PTGER3: variants seen among roughly 807,000 people sequenced by gnomAD.
PTGER3 encodes the protein prostaglandin E2 receptor EP3 subtype.
Under a neutral mutation model 34.7 loss-of-function variants are expected in PTGER3, and 22 were observed. The observed-to-expected ratio is 0.63, with a 90% CI of 0.45 to 0.91. The LOEUF (loss-of-function observed/expected upper bound fraction) is 0.91. PTGER3 is among the 40% of genes least tolerant of loss of function. The probability of loss-of-function intolerance (pLI) is 0.00; values close to 1 mark genes in which losing one functional copy is unlikely to be tolerated. For synonymous variants in PTGER3, 241 were observed against 230.1 expected (o/e 1.05, Z -0.43); for missense variants, 468 against 519.4 (o/e 0.90, Z 0.96).
intron 4 of PTGER3, among the ~76,000 whole-genome samples, chr1:70,915,923 A>T (rs940946275): frequency 6.6e-6 from 1 of 152,046 alleles, no homozygotes; most frequent in Non-Finnish European, 1.5e-5. Context: ...TATGCAGCAA[A>T]ACAAACTATC....
chr1:70,887,118 G>A (rs1016350849), intron 4 of PTGER3, among the ~76,000 whole-genome samples: 4 of 152,158 alleles, frequency 2.6e-5, no homozygotes, highest in Admixed American at 2.0e-4. Context: ...GTGGGGTTAC[G>A]AGCCCCTCAA....
chr1:71,007,309 A>G, intron 2 of PTGER3: 1 of 985,754 alleles, frequency 1.0e-6, no homozygotes, highest in Non-Finnish European at 1.2e-6. Context: ...AAACAGGCTT[A>G]CACTATTTGT....
chr1:70,995,115 A>G (rs1655817833), intron 2 of PTGER3, among the ~76,000 whole-genome samples: 1 of 152,214 alleles, frequency 6.6e-6, no homozygotes, highest in African/African-American at 2.4e-5. Context: ...ATTCTGAATC[A>G]GGCATAAGGA....
At chr1:70,931,750 C>T (rs77573989) in intron 4 of PTGER3, among the ~76,000 whole-genome samples, 1 of 152,224 alleles carries the variant, frequency 6.6e-6, no homozygotes, top group East Asian at 1.9e-4. Flanking sequence ...GGAACCCTGA[C>T]CCTGGTCCAC....
Position 71,046,756 on chromosome 1 carries a change from G to A in PTGER3, c.822C>T (p.Gly274=). 1 of 1,613,014 alleles carries A rather than the reference G, an allele frequency of 6.2e-7. No homozygotes were observed. Among genetic ancestry groups the A allele is most frequent in the Non-Finnish European group, 8.5e-7 (1 of 1,179,544 alleles). ...GAATGGCCGTCTCGGTCGTGATGCGGCCCCACTGGGCACTGGACTGAGATG... is the reference window on the plus strand; with the variant it reads ...GAATGGCCGTCTCGGTCGTGATGCGACCCCACTGGGCACTGGACTGAGATG... ...ATASQSSAQW[G]RITTETAIQL... The change falls in exon 1 of 4, where the codon GGC becomes GGT. Residue 274 remains glycine (G), a synonymous_variant. Transcript: ENST00000306666.
chr1:70,957,123 A>G (rs1307827268), intron 2 of PTGER3, among the ~76,000 whole-genome samples: 3 of 152,244 alleles, frequency 2.0e-5, no homozygotes, highest in Non-Finnish European at 2.9e-5. Flanking sequence ...CAGTGAGACA[A>G]CTATTAACCT....
intron 4 of PTGER3, among the ~76,000 whole-genome samples, chr1:70,889,746 T>G (rs527505634): frequency 2.0e-4 from 30 of 152,226 alleles, no homozygotes; most frequent in Non-Finnish European, 5.9e-5. Context: ...GTTAGATAAT[T>G]GCTGATATGA....
chr1:70,936,698 G>A (rs1283304731), intron 4 of PTGER3, among the ~76,000 whole-genome samples: 4 of 152,142 alleles, frequency 2.6e-5, no homozygotes, highest in African/African-American at 4.8e-5. Flanking sequence ...GAGAACAAAG[G>A]TGGCTTAGAC....
chr1:71,018,874 T>C (rs1658154170), intron 1 of PTGER3, among the ~76,000 whole-genome samples: 1 of 152,140 alleles, frequency 6.6e-6, no homozygotes. Context: ...ATTCTGAAAT[T>C]ATAAAATCAG....
intron 2 of PTGER3, chr1:70,998,348 G>A (rs1336760619): frequency 6.6e-6 from 1 of 152,128 alleles, no homozygotes; most frequent in Non-Finnish European, 1.5e-5. Flanking sequence ...AATGTAGAGC[G>A]ATTTACACTT....
chr1:70,913,721 T>C (rs2100404489), intron 4 of PTGER3, among the ~76,000 whole-genome samples: 1 of 152,072 alleles, frequency 6.6e-6, no homozygotes, highest in South Asian at 2.1e-4. Context: ...TGTTTTTTCT[T>C]CATGTATTCA....
At chr1:70,902,177 T>A (rs900631319) in intron 4 of PTGER3, among the ~76,000 whole-genome samples, 6 of 152,056 alleles carry the variant, frequency 3.9e-5, no homozygotes, top group African/African-American at 1.2e-4. Context: ...ATAATAATAA[T>A]AAAGAAATGT....
chr1:70,904,277 G>A (rs1385770231), intron 4 of PTGER3, among the ~76,000 whole-genome samples: 3 of 152,148 alleles, frequency 2.0e-5, no homozygotes, highest in Non-Finnish European at 2.9e-5. Context: ...TCAGCAGTAT[G>A]TCTTTATCAG....
At chr1:70,888,776 A>G (rs1397943039) in intron 4 of PTGER3, among the ~76,000 whole-genome samples, 1 of 151,992 alleles carries the variant, frequency 6.6e-6, no homozygotes, top group Non-Finnish European at 1.5e-5. Context: ...GATGGAAAAG[A>G]CTGTGGGGCA....
intron 4 of PTGER3, among the ~76,000 whole-genome samples, chr1:70,942,643 G>A (rs1028573849): frequency 1.3e-5 from 2 of 152,066 alleles, no homozygotes; most frequent in Admixed American, 6.6e-5. Flanking sequence ...TGTGCACAGC[G>A]CCCTCACCCC....
chr1:70,953,174 C>T (rs2100592035), intron 3 of PTGER3: 5 of 909,694 alleles, frequency 5.5e-6, no homozygotes, highest in East Asian at 2.8e-5. Context: ...ACAACATTTA[C>T]ATTGTATTAG....
chr1:70,874,584 T>C (rs1478589668), intron 4 of PTGER3, among the ~76,000 whole-genome samples: 1 of 152,222 alleles, frequency 6.6e-6, no homozygotes, highest in Non-Finnish European at 1.5e-5. Flanking sequence ...GCCTCACAAC[T>C]TGTCTCTGAA....
intron 4 of PTGER3, among the ~76,000 whole-genome samples, chr1:70,921,198 A>T (rs1647486449): frequency 6.6e-6 from 1 of 152,174 alleles, no homozygotes; most frequent in Non-Finnish European, 1.5e-5. Context: ...TTCCCCCTCA[A>T]GGAGCTTACA....
chr1:71,041,856 C>A (rs1660342734), intron 1 of PTGER3, among the ~76,000 whole-genome samples: 1 of 152,190 alleles, frequency 6.6e-6, no homozygotes, highest in African/African-American at 2.4e-5. Context: ...CCCTGCATTT[C>A]TGTCCTGCAA....
Sources: allele counts gnomAD v4.1 joint callset (sites outside exome capture counted in the v4.1 genomes callset), GRCh38; gene constraint gnomAD v4.1.1; transcripts MANE v1.5; gene names NCBI Gene and HGNC (gene_info 2026-07-23, HGNC 2026-07-21).